PCDH15: variants seen among roughly 807,000 people sequenced by gnomAD.
PCDH15 encodes protocadherin-15.
In PCDH15, 129 loss-of-function variants were observed where a neutral mutation model predicts 178.5. The observed-to-expected ratio is 0.72, with a 90% CI of 0.63 to 0.84. The LOEUF is 0.84. PCDH15 is among the 40% of genes least tolerant of loss of function. The pLI is 0.00. For missense variants in PCDH15, 2,230 were observed against 2,099.9 expected (o/e 1.06, Z -1.21); for synonymous variants, 800 against 732.0 (o/e 1.09, Z -1.50).
intron 2 of PCDH15, among the ~76,000 whole-genome samples, chr10:55,154,613 C>A (rs1050105110): frequency 3.9e-5 from 6 of 152,112 alleles, no homozygotes; most frequent in Non-Finnish European, 7.4e-5. Flanking sequence ...ATGCTTCATG[C>A]CATGTTAACA....
intron 34 of PCDH15, among the ~76,000 whole-genome samples, chr10:53,817,356 G>T (rs780273148): frequency 1.3e-5 from 2 of 151,988 alleles, no homozygotes; most frequent in Admixed American, 6.6e-5. Flanking sequence ...AGAATCAAAT[G>T]AACACAGTAG....
chr10:55,508,447 A>G (rs1317739339), intron 2 of PCDH15, among the ~76,000 whole-genome samples: 1 of 151,842 alleles, frequency 6.6e-6, no homozygotes, highest in East Asian at 1.9e-4. Flanking sequence ...AACTGAAATA[A>G]AAAGTTTCTC....
At chr10:53,983,255 CAT>C (rs2090822505) in intron 21 of PCDH15, among the ~76,000 whole-genome samples, 1 of 148,544 alleles carries the variant, frequency 6.7e-6, no homozygotes, top group Admixed American at 6.8e-5. Flanking sequence ...TGTGTGTATA[CAT>C]ATACACACAC....
At chr10:54,843,328 A>T (rs148548074) in intron 3 of PCDH15, among the ~76,000 whole-genome samples, 1 of 151,964 alleles carries the variant, frequency 6.6e-6, no homozygotes, top group African/African-American at 2.4e-5. Context: ...TGTAAGCTTA[A>T]CAATCAGGCA....
chr10:54,191,186 C>T (rs1356758120), intron 11 of PCDH15, among the ~76,000 whole-genome samples: 2 of 152,036 alleles, frequency 1.3e-5, no homozygotes, highest in African/African-American at 2.4e-5. Flanking sequence ...CTTCAGCATA[C>T]AAAAGTTGCT....
chr10:54,775,903 T>TA (rs540817419), intron 1 of PCDH15, among the ~76,000 whole-genome samples: 44 of 151,636 alleles, frequency 2.9e-4, no homozygotes, highest in Admixed American at 4.6e-4. Flanking sequence ...AACAAACACA[T>TA]AAAAAAAACA....
chr10:53,987,147 T>A (rs913733291), intron 21 of PCDH15, among the ~76,000 whole-genome samples: 3 of 152,158 alleles, frequency 2.0e-5, no homozygotes, highest in African/African-American at 7.2e-5. Context: ...GAGATTTTTT[T>A]AAGCAGATAA....
intron 1 of PCDH15, among the ~76,000 whole-genome samples, chr10:54,720,659 C>A (rs535644296): frequency 6.6e-6 from 1 of 151,968 alleles, no homozygotes; most frequent in South Asian, 2.1e-4. Flanking sequence ...CAACTTTCTT[C>A]ACAACAAAGT....
intron 3 of PCDH15, among the ~76,000 whole-genome samples, chr10:54,834,522 C>G (rs1564551775): frequency 6.6e-6 from 1 of 151,252 alleles, no homozygotes; most frequent in Non-Finnish European, 1.5e-5. Flanking sequence ...TTGCAAAACT[C>G]ACATTCTTAC....
chr10:54,546,064 C>T (rs752903530), intron 2 of PCDH15, among the ~76,000 whole-genome samples: 26 of 152,238 alleles, frequency 1.7e-4, no homozygotes, highest in Admixed American at 3.3e-4. Flanking sequence ...TGATAGTTGC[C>T]ATGATGGGGA....
intron 8 of PCDH15, among the ~76,000 whole-genome samples, chr10:54,293,166 A>C (rs1251098349): frequency 6.6e-6 from 1 of 152,166 alleles, no homozygotes; most frequent in Non-Finnish European, 1.5e-5. Context: ...AACACCACAC[A>C]TCTGCAACCA....
intron 2 of PCDH15, among the ~76,000 whole-genome samples, chr10:55,459,717 G>A (rs1839631667): frequency 6.6e-6 from 1 of 152,034 alleles, no homozygotes; most frequent in Non-Finnish European, 1.5e-5. Flanking sequence ...TTAATGACTG[G>A]CTAAGAGAGA....
At chr10:54,910,120 C>A (rs1954794232) in intron 2 of PCDH15, among the ~76,000 whole-genome samples, 1 of 152,122 alleles carries the variant, frequency 6.6e-6, no homozygotes, top group South Asian at 2.1e-4. Flanking sequence ...ATGTGGGACA[C>A]AGGGGTCCCA....
intron 25 of PCDH15, among the ~76,000 whole-genome samples, chr10:53,936,030 C>G (rs890707057): frequency 7.2e-5 from 11 of 152,040 alleles, no homozygotes; most frequent in Non-Finnish European, 1.5e-4. Flanking sequence ...ATGATCAAGC[C>G]TCCAGATCTA....
chr10:55,012,075 C>A (rs113439863), intron 2 of PCDH15, among the ~76,000 whole-genome samples: 1 of 152,002 alleles, frequency 6.6e-6, no homozygotes, highest in African/African-American at 2.4e-5. Flanking sequence ...TGGGAAACAC[C>A]CCCATTTTCC....
chr10:54,051,567 G>A (rs1006142344), intron 18 of PCDH15, among the ~76,000 whole-genome samples: 11 of 152,078 alleles, frequency 7.2e-5, no homozygotes, highest in Non-Finnish European at 1.5e-4. Flanking sequence ...GATTATTTAA[G>A]GTATCTTGTG....
At chr10:55,444,519 T>A (rs376194970) in intron 2 of PCDH15, among the ~76,000 whole-genome samples, 1 of 152,000 alleles carries the variant, frequency 6.6e-6, no homozygotes, top group African/African-American at 2.4e-5. Context: ...ACAAATATCA[T>A]AGTAAAAGAA....
intron 1 of PCDH15, among the ~76,000 whole-genome samples, chr10:55,313,641 C>G (rs1031672726): frequency 6.6e-6 from 1 of 152,072 alleles, no homozygotes; most frequent in African/African-American, 2.4e-5. Context: ...GTAAATAGTT[C>G]CGTCTTCACA....
intron 1 of PCDH15, among the ~76,000 whole-genome samples, chr10:54,717,780 T>C (rs1367678254): frequency 7.0e-6 from 1 of 143,312 alleles, no homozygotes; most frequent in Non-Finnish European, 1.5e-5. Context: ...CAAAGGACCA[T>C]AAATCATGCT....
Sources: allele counts gnomAD v4.1 joint callset (sites outside exome capture counted in the v4.1 genomes callset), GRCh38; gene constraint gnomAD v4.1.1; transcripts MANE v1.5; gene names NCBI Gene and HGNC (gene_info 2026-07-23, HGNC 2026-07-21).